CNDP2: variants seen among roughly 807,000 people sequenced by gnomAD.
CNDP2 encodes the protein cytosolic non-specific dipeptidase.
In CNDP2, 38 loss-of-function variants were observed where a neutral mutation model predicts 55.0. That is an observed-to-expected ratio of 0.69 (90% confidence interval 0.53 to 0.90). The LOEUF (loss-of-function observed/expected upper bound fraction) is 0.90. Ranked by LOEUF, CNDP2 falls within the 40% of genes least tolerant of loss-of-function variation. The probability of loss-of-function intolerance (pLI) is 0.00; values close to 1 mark genes in which losing one functional copy is unlikely to be tolerated. For synonymous variants in CNDP2, 241 were observed against 260.2 expected (o/e 0.93, Z 0.71); for missense variants, 607 against 621.7 (o/e 0.98, Z 0.25).
chr18:74,521,868 A>C lies in CNDP2; in HGVS notation c.*1800A>C, dbSNP rs1980067045. ...GCTTAAAAGCACCTCCCAAGGGGAA[A>C]ACAGTAACTTCACAGTGGAGAGACC... On this transcript the variant is annotated 3_prime_UTR_variant, in exon 12 of 12. Transcript: ENST00000324262. The C allele has an allele frequency of 6.6e-6, 1 of 152,264 alleles. No individual in the cohort carries two copies. Among genetic ancestry groups the C allele is most frequent in the Non-Finnish European group, 1.5e-5 (1 of 68,060 alleles). The allele number at this position is 152,264 out of a possible 1,614,324, so 9.4% of individuals were successfully genotyped here.
At position 74,512,483 on chromosome 18, in the gene CNDP2, G is replaced by A. The variant is rs1979407963; in HGVS notation, c.693G>A (p.Val231=). ...GCAACAAAGACCTCCATTCTGGGGT[G>A]TACGGGGGCTCGGTGCATGAGGCCA... ...ECSNKDLHSG[V]YGGSVHEAMT... Residue 231 remains valine, a synonymous_variant, in exon 7 of 12, where the codon GTG becomes GTA. Coordinates refer to ENST00000324262, the MANE Select transcript of CNDP2 (RefSeq NM_018235.3). 6 of 1,614,062 alleles carry A rather than the reference G, an allele frequency of 3.7e-6. No homozygotes were observed. Among genetic ancestry groups the A allele is most frequent in the Non-Finnish European group, 5.1e-6 (6 of 1,179,952 alleles).
rs1355239079 is a variant in CNDP2 at position 74,511,721 on chromosome 18, A to G, written c.657+708A>G. 7.9e-5 allele frequency among the ~76,000 whole-genome samples: 12 copies of G among 152,044 alleles called. No homozygotes were observed. In the East Asian group the frequency reaches 9.7e-4, roughly 12 times the overall value. ...AGACTCCACTTCAAAAAAAAAAAAA[A>G]AGAGAAACCGAGGCAGCACCAAGAG... On this transcript the variant is annotated intron_variant, in intron 6 of 11. Transcript: ENST00000324262.
rs1263589949 is a variant in CNDP2 at position 74,516,972 on chromosome 18, ACAGACGCGGTAGCTTACGTGG to A, written c.1068+589_1068+609del. 3.5e-3 allele frequency: 525 copies of A among 150,414 alleles called. 2 individuals carry two copies. The highest frequency in any genetic ancestry group is 0.024 in the Middle Eastern group (7 of 292). The allele number at this position is 150,414 out of a possible 1,614,324, so 9.3% of individuals were successfully genotyped here. On this transcript the variant is annotated intron_variant, in intron 9 of 11. Coordinates refer to ENST00000324262, the MANE Select transcript of CNDP2 (RefSeq NM_018235.3). ...TGCTCAGGCTGCCACAATAAAGACC[ACAGACGCGGTAGCTTACGTGG>A]CAGACGCGATAGCTTACGTGGCAGA...
chr18:74,501,397 G>A lies in CNDP2; in HGVS notation c.129G>A (p.Arg43=), dbSNP rs755562965. ...AWPEKRGEIR[R]MMEVAAADVK... is the part of the protein sequence containing the mutation. ...CGGAGAAGAGAGGCGAAATCAGGAG[G>A]ATGATGGAAGTTGCTGCTGCAGATG... The change falls in exon 3 of 12, where the codon AGG becomes AGA. Residue 43 remains arginine, a synonymous_variant. Coordinates refer to ENST00000324262, the MANE Select transcript of CNDP2 (RefSeq NM_018235.3). 2 of 1,614,154 alleles carry A rather than the reference G, an allele frequency of 1.2e-6. No individual in the cohort carries two copies. Among genetic ancestry groups the A allele is most frequent in the East Asian group, 2.2e-5 (1 of 44,882 alleles).
chr18:74,499,988 T>C lies in CNDP2; in HGVS notation c.15T>C (p.Thr5=), dbSNP rs1047546391. The change falls in exon 2 of 12, where the codon ACT becomes ACC. Residue 5 remains threonine (T), a synonymous_variant. Coordinates refer to ENST00000324262, the MANE Select transcript of CNDP2 (RefSeq NM_018235.3). The stretch of plus-strand genomic sequence containing the variant: ...CTGGTTGAAAGATGGCGGCCCTCAC[T>C]ACCCTGTTTAAGTACATAGATGAAA... MAAL[T]TLFKYIDENQ... 1.9e-6 allele frequency: 3 copies of C among 1,613,982 alleles called. No homozygotes were observed. The Admixed American group carries it at 5.0e-5, about 27-fold the overall frequency.
chr18:74,519,853 C>T, intron 11 of CNDP2, 146 bp from the exon 12 acceptor site: 2 of 654,944 alleles, frequency 3.1e-6, no homozygotes, highest in East Asian at 2.9e-5. Flanking sequence ...ATTCTGAAGG[C>T]AAGCAGGGCT....
chr18:74,497,183 A>G (rs540040226), intron 1 of CNDP2, among the ~76,000 whole-genome samples: 1 of 152,236 alleles, frequency 6.6e-6, no homozygotes, highest in East Asian at 1.9e-4. Context: ...CTGCAGGAAG[A>G]GGCGGAGAAC....
chr18:74,501,359 G>A lies in CNDP2; in HGVS notation c.91G>A (p.Val31Met), dbSNP rs199700693. ...CGCAAAATGGGTGGCTATCCAGAGTGTGTCTGCGTGGCCGGAGAAGAGAGG... is the reference window on the plus strand; with the variant it reads ...CGCAAAATGGGTGGCTATCCAGAGTATGTCTGCGTGGCCGGAGAAGAGAGG... The part of the protein sequence containing the change: ...KLAKWVAIQS[V>M]SAWPEKRGEI... Residue 31 changes from valine to methionine, a missense_variant, in exon 3 of 12, where the codon GTG becomes ATG. Transcript: ENST00000324262. 190 of 1,613,960 alleles carry A rather than the reference G, an allele frequency of 1.2e-4. 2 individuals are homozygous for A. In the East Asian group the frequency reaches 4.2e-3, roughly 35 times the overall value.
intron 3 of CNDP2, 99 bp downstream of exon 3, chr18:74,501,571 T>C: frequency 7.0e-7 from 1 of 1,431,742 alleles, no homozygotes; most frequent in South Asian, 1.4e-5. Context: ...TTGCTTCACA[T>C]ACCCCACTCA....
chr18:74,516,616 C>G (rs1400924019), intron 9 of CNDP2: 1 of 437,182 alleles, frequency 2.3e-6, no homozygotes, highest in Non-Finnish European at 3.8e-6. Context: ...CAAAATCTGG[C>G]CTTTGACCTC....
chr18:74,518,128 G>A (rs192314547), intron 9 of CNDP2: 94 of 159,622 alleles, frequency 5.9e-4, no homozygotes, highest in East Asian at 4.8e-3. Flanking sequence ...GGGTGTGGTG[G>A]CGGGCGCCTG....
At chr18:74,505,558 C>CA (rs1357957236) in intron 3 of CNDP2, among the ~76,000 whole-genome samples, 3 of 150,194 alleles carry the variant, frequency 2.0e-5, no homozygotes, top group African/African-American at 7.4e-5. Context: ...GGGATCACGC[C>CA]ACTGCGCTCC....
intron 3 of CNDP2, among the ~76,000 whole-genome samples, chr18:74,501,929 T>G (rs1599059813): frequency 6.6e-6 from 1 of 152,224 alleles, no homozygotes; most frequent in African/African-American, 2.4e-5. Flanking sequence ...AGTCTCCCTC[T>G]GTCGCCCAGG....
chr18:74,516,439 C>A (rs759260745), intron 9 of CNDP2, 47 bp downstream of exon 9: 6 of 1,537,164 alleles, frequency 3.9e-6, no homozygotes, highest in Non-Finnish European at 5.3e-6. Flanking sequence ...CTACTGTGTC[C>A]GGGCAGAGAC....
intron 2 of CNDP2, 102 bp downstream of exon 2, chr18:74,500,135 G>A (rs1978612438): frequency 1.0e-6 from 1 of 969,780 alleles, no homozygotes; most frequent in South Asian, 1.5e-5. Context: ...TTTAAATCCA[G>A]GGTTAGAAGA....
intron 3 of CNDP2, among the ~76,000 whole-genome samples, chr18:74,503,028 T>C (rs1295431741): frequency 1.3e-5 from 2 of 152,076 alleles, no homozygotes; most frequent in Non-Finnish European, 2.9e-5. Flanking sequence ...ACCAAGTTTC[T>C]TCATGTTGTT....
chr18:74,515,606 T>G (rs150879338), intron 8 of CNDP2, among the ~76,000 whole-genome samples: 124 of 152,316 alleles, frequency 8.1e-4, no homozygotes, highest in African/African-American at 2.8e-3. Context: ...ACCTACTCTC[T>G]TGACCCACCT....
chr18:74,504,965 G>A (rs1210655522), intron 3 of CNDP2: 2 of 152,212 alleles, frequency 1.3e-5, no homozygotes, highest in Non-Finnish European at 2.9e-5. Context: ...TTAGATGCAG[G>A]GGTGGGCTGG....
intron 6 of CNDP2, chr18:74,512,023 C>CAGCT (rs751950894): frequency 7.2e-4 from 113 of 157,360 alleles, no homozygotes; most frequent in Non-Finnish European, 1.0e-3. Context: ...ACTCAGCAGG[C>CAGCT]AGCTGCCCTA....
Sources: gnomAD v4.1 joint callset for allele counts (sites outside exome capture counted in the v4.1 genomes callset) on GRCh38, gnomAD v4.1.1 for gene constraint, MANE v1.5 for transcripts, NCBI Gene and HGNC (gene_info 2026-07-23, HGNC 2026-07-21) for gene names.